Variants in SLC25A1 observed in about 807,000 individuals in gnomAD.
SLC25A1 encodes the protein tricarboxylate transport protein, mitochondrial.
In SLC25A1, 26 loss-of-function variants were observed where a neutral mutation model predicts 38.1. The observed-to-expected ratio is 0.68, with a 90% CI of 0.50 to 0.95. SLC25A1 has a LOEUF of 0.95. Ranked by LOEUF, SLC25A1 falls within the 40% of genes least tolerant of loss-of-function variation. SLC25A1 has a pLI of 0.00. For synonymous variants in SLC25A1, 211 were observed against 183.2 expected, an observed-to-expected ratio of 1.15 and a Z score of -1.23; for missense variants, 378 against 426.6, an observed-to-expected ratio of 0.89 and a Z score of 1.00.
In SLC25A1 at chr22:19,178,027, G is replaced by A; in HGVS notation, c.217C>T (p.Gln73Ter). 1 of 1,594,126 alleles carries A rather than the reference G, an allele frequency of 6.3e-7. No individual in the cohort carries two copies. The highest frequency in any genetic ancestry group is 2.3e-5 in the East Asian group (1 of 44,066). ...RYRGIGDCVR[Q>*]TVRSHGVLGL... ...AGGACGCCATGGCTGCGAACCGTCTGCCGCACGCAGTCCCCTGGGGGAGGG... is the reference window on the plus strand; with the variant it reads ...AGGACGCCATGGCTGCGAACCGTCTACCGCACGCAGTCCCCTGGGGGAGGG... Residue 73 changes from glutamine to a stop codon, truncating the protein, a stop_gained, in exon 3 of 9, where the codon CAG becomes TAG. Transcript: ENST00000215882. LOFTEE classifies it high-confidence loss of function. The surrounding 1 kb of genome is among the most constrained non-coding windows in gnomAD (Gnocchi z 4.9).
At position 19,176,124 on chromosome 22, in the gene SLC25A1, C is replaced by G. The variant is rs1555922195; in HGVS notation, c.*6G>C. 1 of 1,612,978 alleles carries G rather than the reference C, an allele frequency of 6.2e-7. No homozygotes were observed. The highest frequency in any genetic ancestry group is 1.3e-5 in the African/African-American group (1 of 74,910). ...CTGGGGCGGTCCCCTTGCGGCCTCT[C>G]TAGGCTTAGTCCGTCTTCCACACTT... On this transcript the variant is annotated 3_prime_UTR_variant, in exon 9 of 9. Coordinates refer to ENST00000215882, the MANE Select transcript of SLC25A1 (RefSeq NM_005984.5).
Position 19,178,677 on chromosome 22 carries a change from G to A in SLC25A1, c.-4C>T. The A allele has an allele frequency of 8.9e-7, 1 of 1,119,408 alleles. No individual in the cohort carries two copies. The highest frequency in any genetic ancestry group is 1.1e-6 in the Non-Finnish European group (1 of 914,078). 69.3% of individuals were successfully genotyped at this position (1,119,408 alleles called of 1,614,324 possible). On this transcript the variant is annotated 5_prime_UTR_variant, in exon 1 of 9. Transcript: ENST00000215882. This position sits in a 1 kb window ranked among gnomAD's most constrained non-coding sequence, Gnocchi z 4.9. ...GCGGGGCGCGGGGCGCGGGCATGGC[G>A]GGCGGGAGGCGGGGCGCCCTGTGGC...
chr22:19,176,777 A>T lies in SLC25A1; in HGVS notation c.631+69T>A, dbSNP rs945578763. On this transcript the variant is annotated intron_variant, in intron 6 of 8. Coordinates refer to ENST00000215882, the MANE Select transcript of SLC25A1 (RefSeq NM_005984.5). ...TTCAAAAGGTGGGTGCCCGCCACCC[A>T]GGGGTGGCCCCAAGGAGAGGAGAGG... 63 of 1,588,662 alleles carry T rather than the reference A, an allele frequency of 4.0e-5. No homozygotes were observed. Among genetic ancestry groups the T allele is most frequent in the Non-Finnish European group, 5.4e-5 (62 of 1,157,424 alleles).
chr22:19,176,241 G>T lies in SLC25A1; in HGVS notation c.825C>A (p.Phe275Leu). 1 of 1,610,248 alleles carries T rather than the reference G, an allele frequency of 6.2e-7. No homozygotes were observed. ...CCAGGCGGGGGACAGTGCCCTTGTA[G>T]AATCTGGGTGGGAGGAGGGGCGGGG... ...QILKKEGLKA[F>L]YKGTVPRLGR... Residue 275 changes from phenylalanine to leucine, a missense_variant, in exon 9 of 9, where the codon TTC (phenylalanine) becomes TTA (leucine). Transcript: ENST00000215882.
chr22:19,176,707 G>A lies in SLC25A1; in HGVS notation c.632-14C>T, dbSNP rs782513886. Reference sequence around the variant, plus strand: ...TGGGGTTGTCCCCTGGATATAGGAGGGGTGAGGTGGGTCAGAGGGTGCCGG... The same window carrying A: ...TGGGGTTGTCCCCTGGATATAGGAGAGGTGAGGTGGGTCAGAGGGTGCCGG... On this transcript the variant is annotated splice_polypyrimidine_tract_variant and intron_variant, in intron 6 of 8. Coordinates refer to ENST00000215882, the MANE Select transcript of SLC25A1 (RefSeq NM_005984.5). The A allele has an allele frequency of 3.1e-6, 5 of 1,609,164 alleles. No homozygotes were observed. The highest frequency in any genetic ancestry group is 1.3e-5 in the African/African-American group (1 of 74,836).
chr22:19,178,545 G>C lies in SLC25A1; in HGVS notation c.94+35C>G. 7.9e-7 allele frequency: 1 copy of C among 1,258,750 alleles called. No individual in the cohort carries two copies. The allele number at this position is 1,258,750 out of a possible 1,614,324, so 78.0% of individuals were successfully genotyped here. A position where few individuals can be genotyped will look rare whatever the true frequency, so the allele number is the denominator to read the frequency against. ...GCGTCCCGGGCCCACCCAGAAGCGC[G>C]GCGGGAGAGGGGTCCGCGTCCCGGA... is the stretch of plus-strand genomic sequence containing the variant. On this transcript the variant is annotated intron_variant, in intron 1 of 8. Transcript: ENST00000215882. The surrounding 1 kb of genome is among the most constrained non-coding windows in gnomAD (Gnocchi z 4.9).
In SLC25A1 at chr22:19,176,596, C is replaced by A; in HGVS notation, c.729G>T (p.Val243=). 1 of 1,613,404 alleles carries A rather than the reference C, an allele frequency of 6.2e-7. No individual in the cohort carries two copies. Among genetic ancestry groups the A allele is most frequent in the Non-Finnish European group, 8.5e-7 (1 of 1,179,554 alleles). Residue 243 remains valine (V), a synonymous_variant, in exon 7 of 9, where the codon GTG becomes GTT. Coordinates refer to ENST00000215882, the MANE Select transcript of SLC25A1 (RefSeq NM_005984.5). ...ASVFGNTPLD[V]IKTRMQGLEA... ...CCACCACCTGCATCCGGGTCTTAAT[C>A]ACATCCAGAGGAGTGTTTCCAAAGA...
Position 19,178,274 on chromosome 22 carries a change from C to T in SLC25A1, c.95-34G>A, listed in dbSNP as rs897579947. On this transcript the variant is annotated intron_variant, in intron 1 of 8. Coordinates refer to ENST00000215882, the MANE Select transcript of SLC25A1 (RefSeq NM_005984.5). This position sits in a 1 kb window ranked among gnomAD's most constrained non-coding sequence, Gnocchi z 4.9. Reference sequence around the variant, plus strand: ...ACCGGGAACCCGCTCCTGAGACTCCCGCCCGGCCGCTGGCGCTCGGGCCCC... The same window carrying T: ...ACCGGGAACCCGCTCCTGAGACTCCTGCCCGGCCGCTGGCGCTCGGGCCCC... The T allele has an allele frequency of 4.5e-6, 7 of 1,540,794 alleles. No homozygotes were observed. Among genetic ancestry groups the T allele is most frequent in the Non-Finnish European group, 6.1e-6 (7 of 1,142,950 alleles).
In SLC25A1 at chr22:19,176,907, C is replaced by T. The variant is rs1555922509; in HGVS notation, c.570G>A (p.Lys190=). The change falls in exon 6 of 9, where the codon AAG becomes AAA. Residue 190 remains lysine (K), a synonymous_variant. Coordinates refer to ENST00000215882, the MANE Select transcript of SLC25A1 (RefSeq NM_005984.5). ...TYQGLTATVL[K]QGSNQAIRFF... Reference sequence around the variant, plus strand: ...AGCGGATGGCCTGGTTCGAGCCCTGCTTCAGGACAGTGGCTGTGAGGCCCT... The same window carrying T: ...AGCGGATGGCCTGGTTCGAGCCCTGTTTCAGGACAGTGGCTGTGAGGCCCT... 4 of 1,613,808 alleles carry T rather than the reference C, an allele frequency of 2.5e-6. No individual in the cohort carries two copies. Among genetic ancestry groups the T allele is most frequent in the East Asian group, 2.2e-5 (1 of 44,886 alleles).
chr22:19,177,872 G>A lies in SLC25A1; in HGVS notation c.303-7C>T, dbSNP rs782492046. The stretch of plus-strand genomic sequence containing the variant: ...GAACTCGAACATTCCAAACCTGGAG[G>A]CGGGAGGCGGGTGAGAGGGGCTGCC... On this transcript the variant is annotated splice_region_variant and splice_polypyrimidine_tract_variant and intron_variant, in intron 3 of 8. Coordinates refer to ENST00000215882, the MANE Select transcript of SLC25A1 (RefSeq NM_005984.5). 6.3e-6 allele frequency: 10 copies of A among 1,597,806 alleles called. No individual in the cohort carries two copies. The highest frequency in any genetic ancestry group is 8.5e-6 in the Non-Finnish European group (10 of 1,173,392).
Position 19,175,749 on chromosome 22 carries a change from A to C in SLC25A1, c.*381T>G. 1 of 230,670 alleles carries C rather than the reference A, an allele frequency of 4.3e-6. No homozygotes were observed. Among genetic ancestry groups the C allele is most frequent in the Non-Finnish European group, 8.6e-6 (1 of 116,362 alleles). The allele number at this position is 230,670 out of a possible 1,614,324, so 14.3% of individuals were successfully genotyped here. ...TGAAGCCAGGCCGAGGCCCGGAGGC[A>C]GCTGTGGTAGGCCAGGGCAGGGTGG... On this transcript the variant is annotated 3_prime_UTR_variant, in exon 9 of 9. Coordinates refer to ENST00000215882, the MANE Select transcript of SLC25A1 (RefSeq NM_005984.5).
chr22:19,177,019 G>T lies in SLC25A1; in HGVS notation c.527-69C>A. 7 of 1,588,200 alleles carry T rather than the reference G, an allele frequency of 4.4e-6. No individual in the cohort carries two copies. The South Asian group carries it at 5.5e-5, about 13-fold the overall frequency. The stretch of plus-strand genomic sequence containing the variant: ...CCCGGTTGGGAATTGGTGTGTGTGG[G>T]GGGTGGGTGTTGCACAAAGCCCAAG... On this transcript the variant is annotated intron_variant, in intron 5 of 8. Transcript: ENST00000215882.
chr22:19,177,310 T>G, intron 4 of SLC25A1, 106 bp from the exon 5 acceptor site: 1 of 938,840 alleles, frequency 1.1e-6, no homozygotes, highest in African/African-American at 1.6e-5. Context: ...TGGGAACTCT[T>G]CCCCAGGAAG....
chr22:19,176,358 C>T, intron 8 of SLC25A1, 63 bp downstream of exon 8: 1 of 1,581,468 alleles, frequency 6.3e-7, no homozygotes, highest in Non-Finnish European at 8.7e-7. Context: ...ACAGAGTGGG[C>T]AGGCCAGGTA....
In SLC25A1 at chr22:19,175,834, A is replaced by T. The variant is rs368668737; in HGVS notation, c.*296T>A. 1.6e-5 allele frequency: 7 copies of T among 426,828 alleles called. No homozygotes were observed. The East Asian group carries it at 3.4e-4, about 21-fold the overall frequency. The allele number at this position is 426,828 out of a possible 1,614,324, so 26.4% of individuals were successfully genotyped here. ...GGCCGAGGACCCAGGCCACACGGGC[A>T]CCCCGGGAGGCGGGGCACAGGGTCA... On this transcript the variant is annotated 3_prime_UTR_variant, in exon 9 of 9. Transcript: ENST00000215882.
At position 19,178,426 on chromosome 22, in the gene SLC25A1, G is replaced by T; in HGVS notation, c.94+154C>A. 1 of 1,377,366 alleles carries T rather than the reference G, an allele frequency of 7.3e-7. No homozygotes were observed. Among genetic ancestry groups the T allele is most frequent in the South Asian group, 1.7e-5 (1 of 59,606 alleles). 85.3% of individuals were successfully genotyped at this position (1,377,366 alleles called of 1,614,324 possible). On this transcript the variant is annotated intron_variant, in intron 1 of 8. Coordinates refer to ENST00000215882, the MANE Select transcript of SLC25A1 (RefSeq NM_005984.5). This position sits in a 1 kb window ranked among gnomAD's most constrained non-coding sequence, Gnocchi z 4.9. The stretch of plus-strand genomic sequence containing the variant: ...GAGGCGCAGGGGGTGACAGACGGGA[G>T]GCGGGCGAGTCCCAGCGCGCCGGGT...
Position 19,177,804 on chromosome 22 carries a change from T to A in SLC25A1, c.364A>T (p.Thr122Ser), listed in dbSNP as rs782743173. Residue 122 changes from threonine to serine, a missense_variant, in exon 4 of 9, where the codon ACG becomes TCG. Coordinates refer to ENST00000215882, the MANE Select transcript of SLC25A1 (RefSeq NM_005984.5). Reference sequence around the variant, plus strand: ...CCCAGGCCGCACAGCAGCCCACGCGTGCTGTCCAGCCGTCCCTGGGCATCC... The same window carrying A: ...CCCAGGCCGCACAGCAGCCCACGCGAGCTGTCCAGCCGTCCCTGGGCATCC... ...MRDAQGRLDS[T>S]RGLLCGLGAG... is the part of the protein sequence containing the mutation. The A allele has an allele frequency of 6.2e-7, 1 of 1,610,882 alleles. No individual in the cohort carries two copies. The highest frequency in any genetic ancestry group is 8.5e-7 in the Non-Finnish European group (1 of 1,179,432).
rs1250324459 is a variant in SLC25A1 at position 19,177,706 on chromosome 22, C to T, written c.441+21G>A. Reference sequence around the variant, plus strand: ...TCCGTACTCCCTGCGTGTCCGGGGTCCTCGCCAGGACCTTCCCCACCTTGA... The same window carrying T: ...TCCGTACTCCCTGCGTGTCCGGGGTTCTCGCCAGGACCTTCCCCACCTTGA... On this transcript the variant is annotated intron_variant, in intron 4 of 8. Coordinates refer to ENST00000215882, the MANE Select transcript of SLC25A1 (RefSeq NM_005984.5). 4.4e-6 allele frequency: 7 copies of T among 1,604,322 alleles called. No homozygotes were observed. The Admixed American group carries it at 8.3e-5, about 19-fold the overall frequency.
At chr22:19,176,345 G>A (rs1232505191) in intron 8 of SLC25A1, 76 bp downstream of exon 8, 3 of 1,562,264 alleles carry the variant, frequency 1.9e-6, no homozygotes, top group East Asian at 4.5e-5. Flanking sequence ...AGGCCTGAAG[G>A]GGACAGAGTG....
Sources: allele counts gnomAD v4.1 joint callset, GRCh38; gene constraint gnomAD v4.1.1; non-coding constraint Gnocchi (gnomAD v3.1); transcripts MANE v1.5; gene names NCBI Gene and HGNC (gene_info 2026-07-23, HGNC 2026-07-21).